TRPM2: variants seen among roughly 807,000 people sequenced by gnomAD.
TRPM2 encodes transient receptor potential cation channel subfamily M member 2.
Under a neutral mutation model 174.0 loss-of-function variants are expected in TRPM2, and 161 were observed. The ratio of observed to expected loss-of-function variants is 0.93; its 90% CI spans 0.81 to 1.05. The LOEUF is 1.05. Ranked by LOEUF, TRPM2 falls within the 50% of genes least tolerant of loss-of-function variation. The probability of loss-of-function intolerance (pLI) is 0.00; values close to 1 mark genes in which losing one functional copy is unlikely to be tolerated. For missense variants in TRPM2, 2,057 were observed against 2,038.0 expected (o/e 1.01, Z -0.18); for synonymous variants, 954 against 861.3 (o/e 1.11, Z -1.88).
chr21:44,435,495 G>A (rs2051209641), intron 28 of TRPM2, among the ~76,000 whole-genome samples: 1 of 151,936 alleles, frequency 6.6e-6, no homozygotes, highest in Non-Finnish European at 1.5e-5. Context: ...CTGCCCATTA[G>A]AGGGCACCCT....
At chr21:44,360,749 T>C (rs2048186196) in intron 2 of TRPM2, among the ~76,000 whole-genome samples, 1 of 152,010 alleles carries the variant, frequency 6.6e-6, no homozygotes, top group Non-Finnish European at 1.5e-5. Flanking sequence ...ATATTTTTAG[T>C]AGAGATGGGG....
intron 28 of TRPM2, among the ~76,000 whole-genome samples, chr21:44,435,805 C>T (rs2051231811): frequency 7.4e-6 from 1 of 135,558 alleles, no homozygotes; most frequent in Non-Finnish European, 1.6e-5. Context: ...CTCAGACTCA[C>T]TCTCCACACC....
At chr21:44,413,646 G>A (rs556214147) in intron 19 of TRPM2, among the ~76,000 whole-genome samples, 2 of 152,282 alleles carry the variant, frequency 1.3e-5, no homozygotes, top group Non-Finnish European at 2.9e-5. Flanking sequence ...GCACACCCTG[G>A]GCGGAGGCAC....
In TRPM2 at chr21:44,439,062, T is replaced by A; in HGVS notation, c.4168-5T>A. 1 of 1,611,396 alleles carries A rather than the reference T, an allele frequency of 6.2e-7. No homozygotes were observed. The highest frequency in any genetic ancestry group is 2.2e-5 in the East Asian group (1 of 44,826). ...TTGACCTGCCTCCGTCCTCTGTCTG[T>A]CCAGGGCTCCCGGGAGCCAGGGGAG... On this transcript the variant is annotated splice_polypyrimidine_tract_variant and splice_region_variant and intron_variant, in intron 29 of 31. Transcript: ENST00000397928. This position sits in a 1 kb window ranked among gnomAD's most constrained non-coding sequence, Gnocchi z 5.1.
At chr21:44,441,575 C>A in intron 31 of TRPM2, 117 bp from the exon 32 acceptor site, 1 of 1,323,992 alleles carries the variant, frequency 7.6e-7, no homozygotes, top group Non-Finnish European at 9.8e-7. Context: ...TCCCATTTCA[C>A]AGAGGAGTAA....
chr21:44,406,057 G>C lies in TRPM2; in HGVS notation c.2790+20G>C. Reference sequence around the variant, plus strand: ...CGGATGGTAAGGGGGCGGGGGCACCGGCTCCATCGCGGCCTGCAGCCCAGG... The same window carrying C: ...CGGATGGTAAGGGGGCGGGGGCACCCGCTCCATCGCGGCCTGCAGCCCAGG... On this transcript the variant is annotated intron_variant, in intron 18 of 31. Transcript: ENST00000397928. 6.2e-7 allele frequency: 1 copy of C among 1,601,518 alleles called. No individual in the cohort carries two copies. The highest frequency in any genetic ancestry group is 8.5e-7 in the Non-Finnish European group (1 of 1,179,166).
intron 22 of TRPM2, 57 bp from the exon 23 acceptor site, chr21:44,423,588 G>A: frequency 5.4e-6 from 8 of 1,477,246 alleles, no homozygotes; most frequent in Non-Finnish European, 6.5e-6. Flanking sequence ...GAGCGGTGTG[G>A]CGTTCCCAGG....
At chr21:44,390,773 G>A (rs1341081904) in intron 9 of TRPM2, 131 bp from the exon 10 acceptor site, 3 of 1,243,450 alleles carry the variant, frequency 2.4e-6, no homozygotes, top group Admixed American at 3.8e-5. Context: ...GTCACTGGGT[G>A]CTGCGCCTGT....
In TRPM2 at chr21:44,379,018, A is replaced by G; in HGVS notation, c.1036A>G (p.Asn346Asp). The G allele has an allele frequency of 1.9e-6, 3 of 1,607,798 alleles. No individual in the cohort carries two copies. Among genetic ancestry groups the G allele is most frequent in the Non-Finnish European group, 2.5e-6 (3 of 1,179,880 alleles). ...GCAGACCATCGACAACGCCACCACC[A>G]ACGGCACCCCCTGTGTGGTTGTGGA... ...TLHTIDNATT[N>D]GTPCVVVEGS... The change falls in exon 8 of 32, where the codon AAC (asparagine) becomes GAC (aspartate). Residue 346 changes from asparagine to aspartate, a missense_variant. Transcript: ENST00000397928.
chr21:44,413,849 G>A (rs201000062), intron 19 of TRPM2, 42 bp from the exon 20 acceptor site: 12 of 1,590,192 alleles, frequency 7.5e-6, no homozygotes, highest in African/African-American at 2.7e-5. Flanking sequence ...TCTTGACTCT[G>A]TGTTGTTTTC....
At chr21:44,357,028 C>A (rs573450333) in intron 2 of TRPM2, among the ~76,000 whole-genome samples, 1 of 152,324 alleles carries the variant, frequency 6.6e-6, no homozygotes, top group South Asian at 2.1e-4. Flanking sequence ...CAGTGTCTTG[C>A]ACCCTGTTTT....
In TRPM2 at chr21:44,419,897, A is replaced by G. The variant is rs540978153; in HGVS notation, c.3461+1342A>G. On this transcript the variant is annotated intron_variant, in intron 22 of 31. Coordinates refer to ENST00000397928, the MANE Select transcript of TRPM2 (RefSeq NM_003307.4). ...GTGATGGTGGTGGTGGTGGATGGTA[A>G]TGGTGATGGTGACAGTGGTGGTAGT... Among the ~76,000 whole-genome samples the G allele has an allele frequency of 4.1e-3, 312 of 76,626 alleles. 2 individuals are homozygous for G. Among genetic ancestry groups the G allele is most frequent in the African/African-American group, 0.015 (301 of 20,264 alleles). The allele number at this position is 76,626 out of a possible 152,430, so 50.3% of individuals were successfully genotyped here.
chr21:44,425,903 A>G (rs2050752134), intron 25 of TRPM2, 76 bp downstream of exon 25: 5 of 1,405,360 alleles, frequency 3.6e-6, no homozygotes, highest in Non-Finnish European at 3.7e-6. Context: ...GTCCCCATCC[A>G]TCTGGTATTA....
At position 44,439,257 on chromosome 21, in the gene TRPM2, C is replaced by G. The variant is rs1197413795; in HGVS notation, c.4269+89C>G. On this transcript the variant is annotated intron_variant, in intron 30 of 31. Transcript: ENST00000397928. This position sits in a 1 kb window ranked among gnomAD's most constrained non-coding sequence, Gnocchi z 5.1. ...GTGATACTGGGGACCTGCCCCAGCA[C>G]CACTGGGTGGCAGCGGTCCCACCCA... The G allele has an allele frequency of 8.8e-6, 11 of 1,244,962 alleles. No individual in the cohort carries two copies. The highest frequency in any genetic ancestry group is 1.2e-5 in the Non-Finnish European group (10 of 864,978). 77.1% of individuals were successfully genotyped at this position (1,244,962 alleles called of 1,614,324 possible). A position where few individuals can be genotyped will look rare whatever the true frequency, so the allele number is the denominator to read the frequency against.
Position 44,425,820 on chromosome 21 carries a change from C to G in TRPM2, c.3788C>G (p.Pro1263Arg). ...TRFPVPNEKVPWETEFLIYDP... is the reference protein window; with the variant it reads ...TRFPVPNEKVRWETEFLIYDP... ...TTCCCCGTGCCCAACGAGAAGGTGC[C>G]CTGGGAGGTGAGCGCCTGCCCAAGC... The change falls in exon 25 of 32, where the codon CCC (proline) becomes CGC (arginine). Residue 1263 changes from proline to arginine, a missense_variant. Pro to Arg is a moderately radical substitution (Grantham distance 103). Transcript: ENST00000397928. The G allele has an allele frequency of 6.4e-7, 1 of 1,571,374 alleles. No individual in the cohort carries two copies. The highest frequency in any genetic ancestry group is 8.7e-7 in the Non-Finnish European group (1 of 1,150,284).
At chr21:44,435,754 T>C (rs1173486847) in intron 28 of TRPM2, among the ~76,000 whole-genome samples, 3 of 89,412 alleles carry the variant, frequency 3.4e-5, no homozygotes, top group Non-Finnish European at 6.2e-5. Flanking sequence ...TCAGACTCAC[T>C]CTCCACACCC....
At chr21:44,402,483 G>A (rs2049654840) in intron 16 of TRPM2, among the ~76,000 whole-genome samples, 1 of 152,296 alleles carries the variant, frequency 6.6e-6, no homozygotes, top group South Asian at 2.1e-4. Context: ...CCCCAGAGAG[G>A]CTCGCGGGCC....
At chr21:44,406,830 G>A in intron 19 of TRPM2, 65 bp downstream of exon 19, 5 of 1,539,642 alleles carry the variant, frequency 3.2e-6, no homozygotes, top group Non-Finnish European at 4.4e-6. Flanking sequence ...GGCTGGAAAG[G>A]GGCCGCATGA....
At chr21:44,373,330 G>A (rs1243975948) in intron 5 of TRPM2, among the ~76,000 whole-genome samples, 1 of 152,080 alleles carries the variant, frequency 6.6e-6, no homozygotes, top group Non-Finnish European at 1.5e-5. Flanking sequence ...AGGTCTACAG[G>A]CACCCACCAC....
Sources: allele counts gnomAD v4.1 joint callset (sites outside exome capture counted in the v4.1 genomes callset), GRCh38; gene constraint gnomAD v4.1.1; non-coding constraint Gnocchi (gnomAD v3.1); transcripts MANE v1.5; gene names NCBI Gene and HGNC (gene_info 2026-07-23, HGNC 2026-07-21).